The following HRK variants were observed in gnomAD, a reference collection of about 807,000 sequenced individuals.
HRK encodes harakiri, BCL2 interacting protein, also known as activator of apoptosis harakiri.
A neutral mutation model predicts 5.9 loss-of-function variants in HRK; 6 were observed. The observed-to-expected ratio is 1.02, with a 90% confidence interval of 0.56 to 2.01. HRK has a LOEUF of 2.01. Among genes scored for constraint, HRK ranks in the 30% most tolerant of loss-of-function variants. HRK has a pLI of 0.00. For synonymous variants in HRK, 85 were observed against 65.1 expected (o/e 1.31, Z -1.47); for missense variants, 133 against 128.3 (o/e 1.04, Z -0.18).
intron 1 of HRK, among the ~76,000 whole-genome samples, chr12:116,880,418 A>AT: frequency 6.6e-6 from 1 of 152,106 alleles, no homozygotes; most frequent in Admixed American, 6.5e-5. Flanking sequence ...CCAGCCAGAA[A>AT]CCTGGAGGGG....
At chr12:116,868,958 C>A (rs1429155102) in intron 1 of HRK, among the ~76,000 whole-genome samples, 2 of 131,500 alleles carry the variant, frequency 1.5e-5, no homozygotes, top group East Asian at 4.3e-4. Flanking sequence ...ATGGACTAAA[C>A]TTCTTCTTCG....
chr12:116,863,722 T>G (rs1352432015), intron 1 of HRK, among the ~76,000 whole-genome samples: 3 of 150,646 alleles, frequency 2.0e-5, no homozygotes, highest in African/African-American at 7.3e-5. Context: ...TTAAAGAAAC[T>G]GGGTCTCGCT....
In HRK at chr12:116,879,650, G is replaced by C. The variant is rs1217822509; in HGVS notation, c.*56+1326C>G. On this transcript the variant is annotated intron_variant, in intron 1 of 1. Coordinates refer to ENST00000257572, the MANE Select transcript of HRK (RefSeq NM_003806.4). The surrounding 1 kb of genome is among the most constrained non-coding windows in gnomAD (Gnocchi z 5.6). Reference sequence around the variant, plus strand: ...CCGAAGCGCGCATTTCTCTTCGCCAGCGCCCGGGCTGCGCGGGCCCACGCG... The same window carrying C: ...CCGAAGCGCGCATTTCTCTTCGCCACCGCCCGGGCTGCGCGGGCCCACGCG... 6.6e-6 allele frequency: 1 copy of C among 152,168 alleles called. No individual in the cohort carries two copies. The highest frequency in any genetic ancestry group is 2.4e-5 in the African/African-American group (1 of 41,458). The allele number at this position is 152,168 out of a possible 1,614,324, so 9.4% of individuals were successfully genotyped here.
Position 116,879,053 on chromosome 12 carries a change from A to G in HRK, c.*56+1923T>C, listed in dbSNP as rs540745934. The G allele has an allele frequency of 8.0e-4, 121 of 150,844 alleles. No homozygotes were observed. Among genetic ancestry groups the G allele is most frequent in the Admixed American group, 2.2e-3 (33 of 15,166 alleles). 9.3% of individuals were successfully genotyped at this position (150,844 alleles called of 1,614,324 possible). A position where few individuals can be genotyped will look rare whatever the true frequency, so the allele number is the denominator to read the frequency against. ...GCCTCCCCTTCCAGGCCCCGGGAGC[A>G]TTCCCACCCCGACACTCACACACCG... On this transcript the variant is annotated intron_variant, in intron 1 of 1. Transcript: ENST00000257572. This position sits in a 1 kb window ranked among gnomAD's most constrained non-coding sequence, Gnocchi z 5.6.
At position 116,856,963 on chromosome 12, in the gene HRK, A is replaced by G. The variant is rs1047313807; in HGVS notation, c.*4560T>C. 1 of 152,266 alleles carries G rather than the reference A, an allele frequency of 6.6e-6. No homozygotes were observed. The highest frequency in any genetic ancestry group is 2.4e-5 in the African/African-American group (1 of 41,458). The allele number at this position is 152,266 out of a possible 1,614,324, so 9.4% of individuals were successfully genotyped here. On this transcript the variant is annotated 3_prime_UTR_variant, in exon 2 of 2. Transcript: ENST00000257572. The surrounding 1 kb of genome is among the most constrained non-coding windows in gnomAD (Gnocchi z 4.4). ...CTTGGGAGTGGCGAGCACGCCATAAAAGGTAGCTTTGATTATTGTGTAAAG... is the reference window on the plus strand; with the variant it reads ...CTTGGGAGTGGCGAGCACGCCATAAGAGGTAGCTTTGATTATTGTGTAAAG...
intron 1 of HRK, among the ~76,000 whole-genome samples, chr12:116,866,021 G>A (rs752657182): frequency 2.2e-4 from 34 of 151,966 alleles, no homozygotes; most frequent in Middle Eastern, 3.4e-3. Context: ...AGCCAGGTGC[G>A]GTGGCGCACA....
intron 1 of HRK, among the ~76,000 whole-genome samples, chr12:116,877,683 G>A (rs1005322945): frequency 1.3e-5 from 2 of 152,158 alleles, no homozygotes; most frequent in South Asian, 2.1e-4. Context: ...AGAGCTTTCC[G>A]TGTATGAATT....
Position 116,856,943 on chromosome 12 carries a change from G to A in HRK, c.*4580C>T, listed in dbSNP as rs549808440. On this transcript the variant is annotated 3_prime_UTR_variant, in exon 2 of 2. Coordinates refer to ENST00000257572, the MANE Select transcript of HRK (RefSeq NM_003806.4). This position sits in a 1 kb window ranked among gnomAD's most constrained non-coding sequence, Gnocchi z 4.4. ...GTAAAGCACTTCGCCCAGTGCTTGG[G>A]AGTGGCGAGCACGCCATAAAAGGTA... 4.7e-4 allele frequency: 71 copies of A among 152,416 alleles called. No homozygotes were observed. The highest frequency in any genetic ancestry group is 1.7e-3 in the African/African-American group (70 of 41,592). 9.4% of individuals were successfully genotyped at this position (152,416 alleles called of 1,614,324 possible).
Position 116,857,666 on chromosome 12 carries a change from A to G in HRK, c.*3857T>C, listed in dbSNP as rs530029007. On this transcript the variant is annotated 3_prime_UTR_variant, in exon 2 of 2. Coordinates refer to ENST00000257572, the MANE Select transcript of HRK (RefSeq NM_003806.4). ...AATAGGAGAACATGAGATCAGCTAC[A>G]TACATTGTGAAAACCAGTCACAGTT... The G allele has an allele frequency of 2.0e-5, 3 of 152,350 alleles. No individual in the cohort carries two copies. Among genetic ancestry groups the G allele is most frequent in the South Asian group, 4.1e-4 (2 of 4,826 alleles). The allele number at this position is 152,350 out of a possible 1,614,324, so 9.4% of individuals were successfully genotyped here. A position where few individuals can be genotyped will look rare whatever the true frequency, so the allele number is the denominator to read the frequency against.
chr12:116,877,217 ATT>A (rs377267721), intron 1 of HRK, among the ~76,000 whole-genome samples: 122,159 of 143,298 alleles, frequency 0.85, 52,135 homozygotes, highest in Admixed American at 0.89. Context: ...TGCCCAGCTA[ATT>A]TTTTTTTTTT....
chr12:116,873,377 T>C (rs1191723558), intron 1 of HRK, among the ~76,000 whole-genome samples: 1 of 152,176 alleles, frequency 6.6e-6, no homozygotes, highest in Non-Finnish European at 1.5e-5. Flanking sequence ...GAAAAAGTTA[T>C]TTATTTTTCT....
intron 1 of HRK, among the ~76,000 whole-genome samples, chr12:116,874,130 C>G (rs1176247884): frequency 3.3e-5 from 5 of 152,142 alleles, no homozygotes; most frequent in Non-Finnish European, 7.3e-5. Context: ...AGGGCAGGGG[C>G]AAAGCCTGGG....
chr12:116,870,907 GCTAA>G, intron 1 of HRK, among the ~76,000 whole-genome samples: 1 of 152,178 alleles, frequency 6.6e-6, no homozygotes, highest in East Asian at 1.9e-4. Context: ...ATACAAGAAT[GCTAA>G]CTATGTTTTT....
intron 1 of HRK, among the ~76,000 whole-genome samples, chr12:116,865,022 A>G (rs1451055054): frequency 1.3e-5 from 2 of 151,850 alleles, no homozygotes; most frequent in African/African-American, 4.8e-5. Context: ...TTTTTCATCC[A>G]CCGTGTGAGG....
intron 1 of HRK, among the ~76,000 whole-genome samples, chr12:116,871,548 C>T (rs543131471): frequency 1.5e-4 from 23 of 151,592 alleles, no homozygotes; most frequent in South Asian, 1.0e-3. Context: ...AAATGATCCA[C>T]CCACCTCGGC....
Position 116,872,167 on chromosome 12 carries a change from G to A in HRK, c.*56+8809C>T, listed in dbSNP as rs184857666. The stretch of plus-strand genomic sequence containing the variant: ...AGGTGGATCACAAGGTCAGGAGTTC[G>A]AGACCAGGATGGCCAATGTAGTGAA... On this transcript the variant is annotated intron_variant, in intron 1 of 1. Transcript: ENST00000257572. 4.5e-4 allele frequency among the ~76,000 whole-genome samples: 68 copies of A among 152,228 alleles called. No individual in the cohort carries two copies. The East Asian group carries it at 0.012, about 28-fold the overall frequency.
At position 116,862,596 on chromosome 12, in the gene HRK, A is replaced by G. The variant is rs1182301318; in HGVS notation, c.*57-1130T>C. The stretch of plus-strand genomic sequence containing the variant: ...GAATTGGGGAGTGATACTCATGCGC[A>G]TGGGGTTTCTTTCAGGGAAACGAAA... On this transcript the variant is annotated intron_variant, in intron 1 of 1. Transcript: ENST00000257572. The surrounding 1 kb of genome is among the most constrained non-coding windows in gnomAD (Gnocchi z 4.0). 1.3e-5 allele frequency among the ~76,000 whole-genome samples: 2 copies of G among 152,172 alleles called. No individual in the cohort carries two copies. The highest frequency in any genetic ancestry group is 2.9e-5 in the Non-Finnish European group (2 of 68,030).
intron 1 of HRK, among the ~76,000 whole-genome samples, chr12:116,876,251 G>A (rs888551047): frequency 1.3e-4 from 20 of 152,174 alleles, no homozygotes; most frequent in Admixed American, 1.2e-3. Flanking sequence ...CCTTCCCGGG[G>A]GGTTCCTCCC....
chr12:116,857,131 T>G lies in HRK; in HGVS notation c.*4392A>C, dbSNP rs1443735146. 6.6e-6 allele frequency: 1 copy of G among 152,156 alleles called. No homozygotes were observed. Among genetic ancestry groups the G allele is most frequent in the African/African-American group, 2.4e-5 (1 of 41,414 alleles). 9.4% of individuals were successfully genotyped at this position (152,156 alleles called of 1,614,324 possible). A position where few individuals can be genotyped will look rare whatever the true frequency, so the allele number is the denominator to read the frequency against. The stretch of plus-strand genomic sequence containing the variant: ...GGGGTCACAGTGGTGACCTGACAAA[T>G]CTGTTAAACATCGTGAACCAGACTG... On this transcript the variant is annotated 3_prime_UTR_variant, in exon 2 of 2. Transcript: ENST00000257572.
Sources: gnomAD v4.1 joint callset for allele counts (sites outside exome capture counted in the v4.1 genomes callset) on GRCh38, gnomAD v4.1.1 for gene constraint, Gnocchi (gnomAD v3.1) non-coding constraint, MANE v1.5 for transcripts, NCBI Gene and HGNC (gene_info 2026-07-23, HGNC 2026-07-21) for gene names.